The following PKHD1 variants were observed in gnomAD, a reference collection of about 807,000 sequenced individuals.
PKHD1 encodes the protein PKHD1 ciliary IPT domain containing fibrocystin/polyductin.
Under a neutral mutation model 412.0 loss-of-function variants are expected in PKHD1, and 291 were observed. That is an observed-to-expected ratio of 0.71 (90% CI 0.64 to 0.78). The LOEUF is 0.78. Among genes scored for constraint, PKHD1 ranks in the 30% least tolerant of loss-of-function variants. The pLI is 0.00. For synonymous variants in PKHD1, 1,777 were observed against 1,821.5 expected, an observed-to-expected ratio of 0.98 and a Z score of 0.62; for missense variants, 4,825 against 4,950.7, an observed-to-expected ratio of 0.97 and a Z score of 0.76.
rs1202497781 is a variant in PKHD1 at position 51,659,096 on chromosome 6, A to C, written c.11030T>G (p.Met3677Arg). 1 of 1,613,756 alleles carries C rather than the reference A, an allele frequency of 6.2e-7. No individual in the cohort carries two copies. The highest frequency in any genetic ancestry group is 8.5e-7 in the Non-Finnish European group (1 of 1,179,870). ...TTTGTTACTTGATAAGGATGAAATC[A>C]TTCCAGTGCTCCTTACTGTTGGCGA... ...GDSPTVRSTG[M>R]ISSLSSNKLQ... The change falls in exon 61 of 67, where the codon ATG becomes AGG. Residue 3677 changes from methionine (M) to arginine (R), a missense_variant. Coordinates refer to ENST00000371117, the MANE Select transcript of PKHD1 (RefSeq NM_138694.4).
intron 52 of PKHD1, among the ~76,000 whole-genome samples, chr6:51,812,285 T>G (rs6929552): frequency 0.78 from 118,776 of 152,088 alleles, 46,655 homozygotes; most frequent in East Asian, 0.97. Context: ...TTGACTTTTA[T>G]GCATGCTAAA....
chr6:51,858,769 T>C (rs1773706851), intron 48 of PKHD1, among the ~76,000 whole-genome samples: 1 of 152,166 alleles, frequency 6.6e-6, no homozygotes, highest in Non-Finnish European at 1.5e-5. Context: ...AATAAACAAG[T>C]GTTATATGCA....
rs367837640 is a variant in PKHD1 at position 52,056,898 on chromosome 6, C to T, written c.1594G>A (p.Ala532Thr). The T allele has an allele frequency of 2.5e-6, 4 of 1,612,466 alleles. No homozygotes were observed. Among genetic ancestry groups the T allele is most frequent in the Admixed American group, 3.3e-5 (2 of 59,992 alleles). ...SSQPIPANAT[A>T]HLIQTTIEEL... ...TTGAAGAAGTCTCCCACCAGATGGG[C>T]TGTGGCATTTGCAGGGATTGGCTGA... Residue 532 changes from alanine to threonine, a missense_variant, in exon 17 of 67, where the codon GCC becomes ACC. Coordinates refer to ENST00000371117, the MANE Select transcript of PKHD1 (RefSeq NM_138694.4).
intron 43 of PKHD1, among the ~76,000 whole-genome samples, chr6:51,888,495 G>A (rs1302680175): frequency 1.3e-5 from 2 of 150,910 alleles, no homozygotes; most frequent in African/African-American, 4.9e-5. Context: ...ATATTTTTTT[G>A]GTTCCAACAT....
At chr6:51,717,696 C>T (rs917538794) in intron 60 of PKHD1, among the ~76,000 whole-genome samples, 5 of 152,158 alleles carry the variant, frequency 3.3e-5, no homozygotes, top group Non-Finnish European at 7.3e-5. Flanking sequence ...TAATGACACA[C>T]TCCTCAGAAC....
chr6:51,986,188 A>T (rs1223277022), intron 35 of PKHD1, among the ~76,000 whole-genome samples: 1 of 152,250 alleles, frequency 6.6e-6, no homozygotes, highest in Non-Finnish European at 1.5e-5. Context: ...GAAATGCCAT[A>T]TTCAGACCTG....
At position 52,035,669 on chromosome 6, in the gene PKHD1, T is replaced by C; in HGVS notation, c.3150A>G (p.Ile1050Met). Residue 1050 changes from isoleucine to methionine, a missense_variant, in exon 28 of 67, where the codon ATA (isoleucine) becomes ATG (methionine). Transcript: ENST00000371117. ...TGGCACACGAGTAAGATCCAAATAA[T>C]ATCAGGCTAACACCTTCCAAACTAG... ...RGSSLEGVSL[I>M]LFGSYSCAIN... 6.2e-7 allele frequency: 1 copy of C among 1,613,878 alleles called. No individual in the cohort carries two copies. The highest frequency in any genetic ancestry group is 8.5e-7 in the Non-Finnish European group (1 of 1,179,834).
At chr6:51,759,084 T>C (rs565298673) in intron 55 of PKHD1, among the ~76,000 whole-genome samples, 12 of 152,308 alleles carry the variant, frequency 7.9e-5, no homozygotes, top group Non-Finnish European at 1.5e-4. Flanking sequence ...CTTTTTCATT[T>C]TGTAACTTCA....
At chr6:51,639,001 C>T (rs559822746) in intron 63 of PKHD1, 45 bp from the exon 64 acceptor site, 11 of 1,316,160 alleles carry the variant, frequency 8.4e-6, no homozygotes, top group Non-Finnish European at 1.2e-5. Flanking sequence ...ATTATCTAAT[C>T]TCGAACAATG....
In PKHD1 at chr6:51,878,517, CAT is replaced by C. The variant is rs1355044764; in HGVS notation, c.7350+4574_7350+4575del. ...TAAACATAGCCAAAGACAAAAACCACATGATTATCTCAATAGACGCAGAAAAA... is the reference window on the plus strand; with the variant it reads ...TAAACATAGCCAAAGACAAAAACCACGATTATCTCAATAGACGCAGAAAAA... On this transcript the variant is annotated intron_variant, in intron 46 of 66. Transcript: ENST00000371117. 4.5e-5 allele frequency among the ~76,000 whole-genome samples: 3 copies of C among 66,380 alleles called. 1 individual carries two copies. Among genetic ancestry groups the C allele is most frequent in the Non-Finnish European group, 8.0e-5 (3 of 37,352 alleles). 43.5% of individuals were successfully genotyped at this position (66,380 alleles called of 152,430 possible). A position where few individuals can be genotyped will look rare whatever the true frequency, so the allele number is the denominator to read the frequency against.
At chr6:51,663,388 T>A (rs1485047431) in intron 60 of PKHD1, among the ~76,000 whole-genome samples, 1 of 152,092 alleles carries the variant, frequency 6.6e-6, no homozygotes, top group Non-Finnish European at 1.5e-5. Context: ...GTTATAATTA[T>A]AAATAAATAA....
At chr6:51,736,805 T>C (rs1783911577) in intron 60 of PKHD1, among the ~76,000 whole-genome samples, 1 of 152,158 alleles carries the variant, frequency 6.6e-6, no homozygotes, top group African/African-American at 2.4e-5. Context: ...ACCATCTTGC[T>C]GTCATTCTCA....
chr6:51,947,505 T>C (rs915859385), intron 36 of PKHD1, among the ~76,000 whole-genome samples: 1 of 152,212 alleles, frequency 6.6e-6, no homozygotes, highest in African/African-American at 2.4e-5. Flanking sequence ...TAGCAAATAC[T>C]AAGAAAGCTC....
At position 51,929,575 on chromosome 6, in the gene PKHD1, G is replaced by T. The variant is rs75691259; in HGVS notation, c.6121+4535C>A. Among the ~76,000 whole-genome samples, 1,026 of 152,212 alleles carry T rather than the reference G, an allele frequency of 6.7e-3. 3 individuals carry two copies. Among genetic ancestry groups the T allele is most frequent in the Non-Finnish European group, 0.011 (770 of 68,012 alleles). On this transcript the variant is annotated intron_variant, in intron 37 of 66. Transcript: ENST00000371117. ...GAAACACACTCCCACACATGTGCCT[G>T]TTCCACACACTTTATACCATGCTTA...
chr6:51,919,116 G>A (rs1218179791), intron 37 of PKHD1, among the ~76,000 whole-genome samples: 1 of 152,156 alleles, frequency 6.6e-6, no homozygotes, highest in African/African-American at 2.4e-5. Flanking sequence ...TTGCTATACA[G>A]AAGCTCTTTA....
intron 37 of PKHD1, among the ~76,000 whole-genome samples, chr6:51,924,425 C>T (rs1785201166): frequency 6.6e-6 from 1 of 152,166 alleles, no homozygotes; most frequent in Admixed American, 6.5e-5. Flanking sequence ...ACCTAATAGC[C>T]ATGCTATAAA....
At chr6:52,063,135 C>G (rs1218047771) in intron 13 of PKHD1, among the ~76,000 whole-genome samples, 3 of 152,182 alleles carry the variant, frequency 2.0e-5, no homozygotes, top group African/African-American at 7.2e-5. Flanking sequence ...AGTGTCATGG[C>G]CTCAATTTGT....
At chr6:51,943,041 G>A (rs1788825233) in intron 36 of PKHD1, among the ~76,000 whole-genome samples, 1 of 151,518 alleles carries the variant, frequency 6.6e-6, no homozygotes, top group South Asian at 2.1e-4. Flanking sequence ...GTCTAAGAAG[G>A]CCACCACGGT....
chr6:51,665,854 T>C (rs1387498600), intron 60 of PKHD1, among the ~76,000 whole-genome samples: 6 of 152,134 alleles, frequency 3.9e-5, no homozygotes, highest in African/African-American at 1.4e-4. Flanking sequence ...TCCACAGCCT[T>C]CTTAAATAAG....
Sources: gnomAD v4.1 joint callset for allele counts (sites outside exome capture counted in the v4.1 genomes callset) on GRCh38, gnomAD v4.1.1 for gene constraint, MANE v1.5 for transcripts, NCBI Gene and HGNC (gene_info 2026-07-23, HGNC 2026-07-21) for gene names.